ALOX5: variants seen among roughly 807,000 people sequenced by gnomAD.
ALOX5 encodes arachidonate 5-lipoxygenase, also known as polyunsaturated fatty acid 5-lipoxygenase.
Under a neutral mutation model 87.9 loss-of-function variants are expected in ALOX5, and 64 were observed. The ratio of observed to expected loss-of-function variants is 0.73; its 90% confidence interval spans 0.60 to 0.90. The LOEUF (loss-of-function observed/expected upper bound fraction) is 0.90, where lower values mean the gene tolerates loss of function less well. ALOX5 is among the 40% of genes least tolerant of loss of function. The pLI is 0.00. For missense variants in ALOX5, 822 were observed against 907.5 expected, an observed-to-expected ratio of 0.91 and a Z score of 1.21; for synonymous variants, 388 against 355.1, an observed-to-expected ratio of 1.09 and a Z score of -1.04.
In ALOX5 at chr10:45,395,944, A is replaced by G; in HGVS notation, c.431+8A>G. 6.2e-7 allele frequency: 1 copy of G among 1,613,946 alleles called. No individual in the cohort carries two copies. The highest frequency in any genetic ancestry group is 8.5e-7 in the Non-Finnish European group (1 of 1,179,748). On this transcript the variant is annotated splice_region_variant and intron_variant, in intron 3 of 13. Transcript: ENST00000374391. Reference sequence around the variant, plus strand: ...ACGGCAAAAACAATATCGGTGAGTTATGACATCAGATCGAGTGGCCACGGG... The same window carrying G: ...ACGGCAAAAACAATATCGGTGAGTTGTGACATCAGATCGAGTGGCCACGGG...
chr10:45,432,691 G>C (rs1048693165), intron 7 of ALOX5, among the ~76,000 whole-genome samples: 1 of 152,124 alleles, frequency 6.6e-6, no homozygotes, highest in African/African-American at 2.4e-5. Flanking sequence ...AAAAAATTCA[G>C]ATGAAGTAAA....
chr10:45,388,741 G>T (rs535572403), intron 2 of ALOX5, among the ~76,000 whole-genome samples: 1 of 152,326 alleles, frequency 6.6e-6, no homozygotes, highest in African/African-American at 2.4e-5. Context: ...CAAAGATGGG[G>T]AAAAACAGAG....
At position 45,440,625 on chromosome 10, in the gene ALOX5, A is replaced by G. The variant is rs758677236; in HGVS notation, c.1177A>G (p.Ile393Val). The G allele has an allele frequency of 3.7e-6, 6 of 1,613,838 alleles. No homozygotes were observed. Among genetic ancestry groups the G allele is most frequent in the Admixed American group, 3.3e-5 (2 of 60,014 alleles). ...CCGCCAGCTGCCTGCTGTGCACCCC[A>G]TTTTCAAGGTACAGCCAGCTACCGC... ...MYRQLPAVHP[I>V]FKLLVAHVRF... Residue 393 changes from isoleucine to valine, a missense_variant, in exon 8 of 14, where the codon ATT becomes GTT. Transcript: ENST00000374391.
At chr10:45,419,263 G>T (rs1266684608) in intron 4 of ALOX5, among the ~76,000 whole-genome samples, 2 of 152,182 alleles carry the variant, frequency 1.3e-5, no homozygotes, top group Admixed American at 1.3e-4. Context: ...GCGGAGAGCA[G>T]ACCACGCGGA....
At chr10:45,415,495 G>C (rs1279280855) in intron 4 of ALOX5, among the ~76,000 whole-genome samples, 1 of 152,068 alleles carries the variant, frequency 6.6e-6, no homozygotes, top group East Asian at 1.9e-4. Context: ...GAGTTAATGG[G>C]TGCAGCACAC....
At chr10:45,419,677 G>A (rs1564435684) in intron 4 of ALOX5, among the ~76,000 whole-genome samples, 1 of 152,244 alleles carries the variant, frequency 6.6e-6, no homozygotes, top group Non-Finnish European at 1.5e-5. Context: ...CCGGGGAGGT[G>A]GAAGCTGCAG....
intron 2 of ALOX5, among the ~76,000 whole-genome samples, chr10:45,389,730 T>C (rs1840141501): frequency 6.6e-6 from 1 of 152,022 alleles, no homozygotes; most frequent in Admixed American, 6.6e-5. Context: ...TACCAGCCAC[T>C]GCAAAAACAT....
chr10:45,380,693 G>A (rs992818914), intron 1 of ALOX5, among the ~76,000 whole-genome samples: 6 of 152,220 alleles, frequency 3.9e-5, no homozygotes, highest in Non-Finnish European at 8.8e-5. Context: ...TGTAATCCCA[G>A]CACTTTGGGA....
At chr10:45,376,795 G>A (rs182342688) in intron 1 of ALOX5, among the ~76,000 whole-genome samples, 4 of 151,994 alleles carry the variant, frequency 2.6e-5, no homozygotes, top group Admixed American at 2.6e-4. Flanking sequence ...TCAGAGTTCC[G>A]CATAGTGATT....
chr10:45,382,904 AT>A (rs1839892195), intron 2 of ALOX5, among the ~76,000 whole-genome samples: 1 of 152,222 alleles, frequency 6.6e-6, no homozygotes, highest in South Asian at 2.1e-4. Context: ...CACTGTCGTC[AT>A]GTCCTCACTC....
rs1564427858 is a variant in ALOX5, at chr10:45,407,976, A to C, written c.432-4215A>C. The stretch of plus-strand genomic sequence containing the variant: ...CTTGACATTTCCCTTTGGCTAAATG[A>C]GTTTGGGGTCCTAAAATTTAATTTC... On this transcript the variant is annotated intron_variant, in intron 3 of 13. Coordinates refer to ENST00000374391, the MANE Select transcript of ALOX5 (RefSeq NM_000698.5). 2.0e-5 allele frequency among the ~76,000 whole-genome samples: 3 copies of C among 152,298 alleles called. No individual in the cohort carries two copies. In the South Asian group the frequency reaches 6.2e-4, roughly 32 times the overall value.
chr10:45,419,132 A>G (rs1642054781), intron 4 of ALOX5, among the ~76,000 whole-genome samples: 1 of 152,220 alleles, frequency 6.6e-6, no homozygotes, highest in African/African-American at 2.4e-5. Flanking sequence ...TATGAGCCCG[A>G]GTTTCCCACG....
intron 9 of ALOX5, 138 bp from the exon 10 acceptor site, chr10:45,442,900 C>T: frequency 1.1e-6 from 1 of 880,396 alleles, no homozygotes; most frequent in Non-Finnish European, 1.7e-6. Context: ...TTAAACATCC[C>T]TCCCCCATCT....
At chr10:45,438,632 C>T (rs1048940488) in intron 7 of ALOX5, among the ~76,000 whole-genome samples, 3 of 152,204 alleles carry the variant, frequency 2.0e-5, no homozygotes, top group South Asian at 2.1e-4. Flanking sequence ...GATCAGGTAT[C>T]AGTGGCCCAG....
At chr10:45,389,098 T>G (rs1840108068) in intron 2 of ALOX5, among the ~76,000 whole-genome samples, 1 of 152,072 alleles carries the variant, frequency 6.6e-6, no homozygotes, top group Non-Finnish European at 1.5e-5. Flanking sequence ...TATCAGTGAC[T>G]GAAGATCAAA....
chr10:45,409,766 C>A (rs1435634627), intron 3 of ALOX5, among the ~76,000 whole-genome samples: 1 of 152,230 alleles, frequency 6.6e-6, no homozygotes, highest in Admixed American at 6.5e-5. Context: ...TGCAGGCCTT[C>A]GGCTCCTGTG....
intron 4 of ALOX5, among the ~76,000 whole-genome samples, chr10:45,419,290 A>G (rs966669196): frequency 6.9e-6 from 1 of 144,178 alleles, no homozygotes; most frequent in Non-Finnish European, 1.5e-5. Flanking sequence ...CGAGAGAGAA[A>G]GCGGGGCACC....
chr10:45,382,707 C>T (rs1356141695), intron 2 of ALOX5, 26 bp downstream of exon 2: 19 of 1,597,846 alleles, frequency 1.2e-5, no homozygotes, highest in Non-Finnish European at 1.6e-5. Flanking sequence ...CCCTTCTGCC[C>T]CGGGCTTCCC....
chr10:45,419,818 G>A (rs536823936), intron 4 of ALOX5, among the ~76,000 whole-genome samples: 1 of 152,336 alleles, frequency 6.6e-6, no homozygotes, highest in Non-Finnish European at 1.5e-5. Context: ...AGGAGAGAAG[G>A]GCCCTGAGCT....
Sources: gnomAD v4.1 joint callset for allele counts (sites outside exome capture counted in the v4.1 genomes callset) on GRCh38, gnomAD v4.1.1 for gene constraint, MANE v1.5 for transcripts, NCBI Gene and HGNC (gene_info 2026-07-23, HGNC 2026-07-21) for gene names.